The following RELN variants were observed in gnomAD, a reference collection of about 807,000 sequenced individuals.
RELN encodes reelin.
In RELN, 108 loss-of-function variants were observed where a neutral mutation model predicts 427.6. That is an observed-to-expected ratio of 0.25 (90% CI 0.22 to 0.30). The LOEUF (loss-of-function observed/expected upper bound fraction) is 0.30, where lower values mean the gene tolerates loss of function less well. Ranked by LOEUF, RELN falls within the 10% of genes least tolerant of loss-of-function variation. The pLI is 1.00. For synonymous variants in RELN, 1,524 were observed against 1,513.4 expected, an observed-to-expected ratio of 1.01 and a Z score of -0.16; for missense variants, 3,715 against 4,302.8, an observed-to-expected ratio of 0.86 and a Z score of 3.82.
intron 50 of RELN, 65 bp from the exon 51 acceptor site, chr7:103,511,070 C>T: frequency 1.7e-6 from 2 of 1,186,406 alleles, no homozygotes; most frequent in Non-Finnish European, 2.5e-6. Context: ...CAAATTTTCA[C>T]TTTAAGCAAG....
chr7:103,552,531 T>A (rs2117156994), intron 40 of RELN, among the ~76,000 whole-genome samples: 1 of 143,524 alleles, frequency 7.0e-6, no homozygotes, highest in East Asian at 2.1e-4. Context: ...GGAGATGGAA[T>A]CTCACTTTGT....
Position 103,953,641 on chromosome 7 carries a change from T to TA in RELN, c.226+35489dup. On this transcript the variant is annotated intron_variant, in intron 1 of 64. Transcript: ENST00000428762. The surrounding 1 kb of genome is among the most constrained non-coding windows in gnomAD (Gnocchi z 4.3). The stretch of plus-strand genomic sequence containing the variant: ...TCAGTAAAAATAAATGATCAAAACT[T>TA]ACCAGCCTCCACTGGGTGCGGTGGC... Among the ~76,000 whole-genome samples the TA allele has an allele frequency of 6.6e-6, 1 of 152,262 alleles. No individual in the cohort carries two copies. The highest frequency in any genetic ancestry group is 1.9e-4 in the East Asian group (1 of 5,184).
chr7:103,535,241 T>C, intron 46 of RELN, 75 bp downstream of exon 46: 2 of 1,413,708 alleles, frequency 1.4e-6, no homozygotes, highest in Non-Finnish European at 2.0e-6. Context: ...TCATTAAACT[T>C]GACATGCCAA....
At chr7:103,712,373 C>T (rs1789827095) in intron 8 of RELN, among the ~76,000 whole-genome samples, 2 of 152,066 alleles carry the variant, frequency 1.3e-5, no homozygotes, top group African/African-American at 2.4e-5. Flanking sequence ...GATATAAAAT[C>T]AAAGCCACTT....
intron 1 of RELN, among the ~76,000 whole-genome samples, chr7:103,983,088 T>C (rs1797024953): frequency 6.6e-6 from 1 of 152,208 alleles, no homozygotes; most frequent in Non-Finnish European, 1.5e-5. Flanking sequence ...AACTATTTCT[T>C]AGTGGGATTC....
intron 2 of RELN, among the ~76,000 whole-genome samples, chr7:103,854,287 G>A (rs1026740660): frequency 6.6e-5 from 10 of 152,164 alleles, no homozygotes; most frequent in Non-Finnish European, 1.5e-4. Context: ...ATAAATAATC[G>A]TTTGGTTAGG....
intron 4 of RELN, among the ~76,000 whole-genome samples, chr7:103,771,693 T>C (rs1160129339): frequency 6.6e-6 from 1 of 152,158 alleles, no homozygotes; most frequent in African/African-American, 2.4e-5. Flanking sequence ...TAGCCCCAGA[T>C]TTCCTCCCTG....
chr7:103,949,120 T>C (rs1796282473), intron 1 of RELN, among the ~76,000 whole-genome samples: 1 of 151,660 alleles, frequency 6.6e-6, no homozygotes, highest in Non-Finnish European at 1.5e-5. Context: ...TATATATGTG[T>C]ATACACACAC....
rs1415565475 is a variant in RELN, at chr7:103,953,138, A to G, written c.227-35953T>C. 6.6e-6 allele frequency among the ~76,000 whole-genome samples: 1 copy of G among 152,148 alleles called. No homozygotes were observed. Among genetic ancestry groups the G allele is most frequent in the Non-Finnish European group, 1.5e-5 (1 of 68,038 alleles). On this transcript the variant is annotated intron_variant, in intron 1 of 64. Coordinates refer to ENST00000428762, the MANE Select transcript of RELN (RefSeq NM_005045.4). This position sits in a 1 kb window ranked among gnomAD's most constrained non-coding sequence, Gnocchi z 4.3. ...CAAGATTCCTGCTCACTTCAAAGAG[A>G]TATTTGCTCCAAGATCAGCACCACA...
chr7:103,628,048 G>C (rs1832366064), intron 20 of RELN: 1 of 152,114 alleles, frequency 6.6e-6, no homozygotes, highest in Non-Finnish European at 1.5e-5. Flanking sequence ...TGTTATATTA[G>C]AAGTGTTAGG....
At chr7:103,986,081 G>A (rs576251106) in intron 1 of RELN, among the ~76,000 whole-genome samples, 1 of 152,234 alleles carries the variant, frequency 6.6e-6, no homozygotes, top group East Asian at 1.9e-4. Flanking sequence ...AAAAAAAAAT[G>A]TTCTGACCCT....
At chr7:103,770,242 G>T (rs1236910364) in intron 4 of RELN, among the ~76,000 whole-genome samples, 2 of 152,004 alleles carry the variant, frequency 1.3e-5, no homozygotes, top group East Asian at 1.9e-4. Flanking sequence ...GTGCCATCAC[G>T]CCCAGCTAAT....
intron 11 of RELN, among the ~76,000 whole-genome samples, chr7:103,666,289 C>A (rs1486051989): frequency 6.6e-6 from 1 of 152,026 alleles, no homozygotes. Context: ...CCAGGCTGGT[C>A]TGAAACTCCT....
At chr7:103,648,740 C>T (rs1219581655) in intron 16 of RELN, among the ~76,000 whole-genome samples, 7 of 151,836 alleles carry the variant, frequency 4.6e-5, no homozygotes, top group African/African-American at 1.7e-4. Flanking sequence ...AATACCTTGA[C>T]AAGAAAAAAC....
chr7:103,594,296 T>C, intron 26 of RELN, 25 bp downstream of exon 26: 2 of 1,599,294 alleles, frequency 1.3e-6, no homozygotes, highest in Non-Finnish European at 1.7e-6. Flanking sequence ...ATCTGTCTTC[T>C]TGGAGTTCAG....
At chr7:103,928,030 CT>C (rs1795784625) in intron 1 of RELN, among the ~76,000 whole-genome samples, 1 of 151,978 alleles carries the variant, frequency 6.6e-6, no homozygotes, top group Non-Finnish European at 1.5e-5. Context: ...TTTTAGAAAA[CT>C]GATCTAAATT....
At chr7:103,850,647 G>C (rs776904849) in intron 2 of RELN, among the ~76,000 whole-genome samples, 1 of 152,140 alleles carries the variant, frequency 6.6e-6, no homozygotes, top group Non-Finnish European at 1.5e-5. Context: ...CTTCACAGAC[G>C]GGGGAAGAAC....
At chr7:103,518,349 T>TA (rs796656789) in intron 49 of RELN, among the ~76,000 whole-genome samples, 1 of 44,568 alleles carries the variant, frequency 2.2e-5, no homozygotes, top group Admixed American at 2.1e-4. Context: ...TTTTTTTTTT[T>TA]AAAGATGCGG....
intron 9 of RELN, 87 bp from the exon 10 acceptor site, chr7:103,698,180 A>T: frequency 6.7e-7 from 1 of 1,483,488 alleles, no homozygotes; most frequent in Non-Finnish European, 9.4e-7. Context: ...TTGTAGTTTC[A>T]TGATCTCAAG....
Sources: allele counts gnomAD v4.1 joint callset (sites outside exome capture counted in the v4.1 genomes callset), GRCh38; gene constraint gnomAD v4.1.1; non-coding constraint Gnocchi (gnomAD v3.1); transcripts MANE v1.5; gene names NCBI Gene and HGNC (gene_info 2026-07-23, HGNC 2026-07-21).